PGM5: variants seen among roughly 807,000 people sequenced by gnomAD.
The protein encoded by PGM5 is phosphoglucomutase 5, also known as phosphoglucomutase-like protein 5.
Under a neutral mutation model 59.2 loss-of-function variants are expected in PGM5, and 23 were observed. The ratio of observed to expected loss-of-function variants is 0.39; its 90% CI spans 0.28 to 0.55. PGM5 has a LOEUF of 0.55. Among genes scored for constraint, PGM5 ranks in the 20% least tolerant of loss-of-function variants. The pLI is 0.66. For missense variants in PGM5, 574 were observed against 748.3 expected, an observed-to-expected ratio of 0.77 and a Z score of 2.72; for synonymous variants, 214 against 286.0, an observed-to-expected ratio of 0.75 and a Z score of 2.54.
At chr9:68,455,767 A>G (rs1052041383) in intron 6 of PGM5, among the ~76,000 whole-genome samples, 13 of 152,158 alleles carry the variant, frequency 8.5e-5, no homozygotes, top group African/African-American at 3.1e-4. Flanking sequence ...TTAATTCTTC[A>G]GTGTTGCAAA....
intron 3 of PGM5, among the ~76,000 whole-genome samples, chr9:68,386,115 T>C (rs1299311110): frequency 4.0e-5 from 6 of 151,782 alleles, no homozygotes; most frequent in South Asian, 2.1e-4. Flanking sequence ...CAAATGTATT[T>C]AGGCAAGTGG....
intron 1 of PGM5, among the ~76,000 whole-genome samples, chr9:68,376,231 G>C (rs1821878374): frequency 6.6e-6 from 1 of 152,116 alleles, no homozygotes; most frequent in Non-Finnish European, 1.5e-5. Flanking sequence ...CCTTTCAATG[G>C]ATTCTGGTTG....
chr9:68,433,678 G>A (rs1208007135), intron 6 of PGM5, among the ~76,000 whole-genome samples: 1 of 152,196 alleles, frequency 6.6e-6, no homozygotes, highest in Non-Finnish European at 1.5e-5. Context: ...CATTTGACCT[G>A]TTGGCCGATG....
intron 9 of PGM5, among the ~76,000 whole-genome samples, chr9:68,489,472 T>C (rs1420740361): frequency 6.7e-6 from 1 of 149,822 alleles, no homozygotes; most frequent in Non-Finnish European, 1.5e-5. Flanking sequence ...TTCTTTTCTT[T>C]TTTTTTTTTT....
chr9:68,416,374 C>T (rs1373161712), intron 6 of PGM5, among the ~76,000 whole-genome samples: 1 of 152,150 alleles, frequency 6.6e-6, no homozygotes, highest in African/African-American at 2.4e-5. Context: ...GGGCCCCTAG[C>T]GTGCTCATGC....
At chr9:68,409,896 GC>G (rs1554681475) in intron 6 of PGM5, among the ~76,000 whole-genome samples, 1 of 149,766 alleles carries the variant, frequency 6.7e-6, no homozygotes, top group Non-Finnish European at 1.5e-5. Flanking sequence ...AAAGAACAAA[GC>G]AAAAAAATGT....
intron 9 of PGM5, among the ~76,000 whole-genome samples, chr9:68,492,375 T>C (rs1274526107): frequency 1.3e-5 from 2 of 152,182 alleles, no homozygotes; most frequent in African/African-American, 2.4e-5. Context: ...AGCAGCCCTC[T>C]CATCACCTAG....
At position 68,517,328 on chromosome 9, in the gene PGM5, C is replaced by T. The variant is rs555989721; in HGVS notation, c.1615-12239C>T. 3.2e-4 allele frequency among the ~76,000 whole-genome samples: 49 copies of T among 152,134 alleles called. No homozygotes were observed. The South Asian group carries it at 6.9e-3, about 21-fold the overall frequency. ...CTCTTACGCAAATCTGCCAGCCCTCCGCAGTAGTCTTCAAGGCCCTCATAA... is the reference window on the plus strand; with the variant it reads ...CTCTTACGCAAATCTGCCAGCCCTCTGCAGTAGTCTTCAAGGCCCTCATAA... On this transcript the variant is annotated intron_variant, in intron 10 of 10. Coordinates refer to ENST00000396396, the MANE Select transcript of PGM5 (RefSeq NM_021965.4).
chr9:68,484,169 G>A (rs1554687378), intron 9 of PGM5, 121 bp downstream of exon 9: 7 of 823,800 alleles, frequency 8.5e-6, no homozygotes, highest in Non-Finnish European at 1.2e-5. Flanking sequence ...TGAGAACTGT[G>A]CAGCCAGGAA....
intron 10 of PGM5, among the ~76,000 whole-genome samples, chr9:68,527,302 AAAT>A (rs1824997690): frequency 6.6e-6 from 1 of 152,164 alleles, no homozygotes; most frequent in Admixed American, 6.5e-5. Context: ...CATTTTCTTA[AAAT>A]AATAGGATAG....
intron 10 of PGM5, among the ~76,000 whole-genome samples, chr9:68,518,745 G>A (rs1357043575): frequency 4.6e-5 from 7 of 152,178 alleles, no homozygotes; most frequent in Middle Eastern, 3.2e-3. Context: ...GCTGCCTTTG[G>A]AAGATGAAAG....
At chr9:68,488,682 T>A in intron 9 of PGM5, among the ~76,000 whole-genome samples, 1 of 152,192 alleles carries the variant, frequency 6.6e-6, no homozygotes, top group East Asian at 1.9e-4. Flanking sequence ...AATTGATGTG[T>A]GCTTTCCACT....
At chr9:68,468,748 C>G (rs1823976214) in intron 7 of PGM5, among the ~76,000 whole-genome samples, 2 of 152,126 alleles carry the variant, frequency 1.3e-5, no homozygotes, top group African/African-American at 4.8e-5. Context: ...CTCTTTTAAT[C>G]TACGTTTCTC....
intron 2 of PGM5, among the ~76,000 whole-genome samples, chr9:68,379,971 A>C (rs1822025384): frequency 1.3e-5 from 2 of 152,034 alleles, no homozygotes; most frequent in African/African-American, 2.4e-5. Flanking sequence ...ATTAGTGGAC[A>C]TGAAGGAAGA....
In PGM5 at chr9:68,448,368, G is replaced by A. The variant is rs78576052; in HGVS notation, c.1044-16725G>A. Among the ~76,000 whole-genome samples, 981 of 152,286 alleles carry A rather than the reference G, an allele frequency of 6.4e-3. 9 individuals carry two copies. Among genetic ancestry groups the A allele is most frequent in the Non-Finnish European group, 0.011 (781 of 68,014 alleles). Reference sequence around the variant, plus strand: ...TTTGGGGAGACACTTAGGGAAGGCTGCGTGTAGCCTCTCTTGAGACCCCTG... The same window carrying A: ...TTTGGGGAGACACTTAGGGAAGGCTACGTGTAGCCTCTCTTGAGACCCCTG... On this transcript the variant is annotated intron_variant, in intron 6 of 10. Coordinates refer to ENST00000396396, the MANE Select transcript of PGM5 (RefSeq NM_021965.4).
chr9:68,421,854 G>A (rs1823135905), intron 6 of PGM5, among the ~76,000 whole-genome samples: 1 of 151,156 alleles, frequency 6.6e-6, no homozygotes, highest in South Asian at 2.1e-4. Flanking sequence ...TTGTAGAGAA[G>A]AAAGATAATG....
At chr9:68,417,242 A>G (rs1248180552) in intron 6 of PGM5, among the ~76,000 whole-genome samples, 1 of 152,220 alleles carries the variant, frequency 6.6e-6, no homozygotes, top group Non-Finnish European at 1.5e-5. Context: ...CCTTGTCAAA[A>G]TACAGTGAGA....
At chr9:68,472,966 A>T (rs1443956987) in intron 7 of PGM5, among the ~76,000 whole-genome samples, 3 of 152,316 alleles carry the variant, frequency 2.0e-5, no homozygotes, top group East Asian at 3.9e-4. Flanking sequence ...GATGAACATT[A>T]GGTACATTTA....
intron 2 of PGM5, among the ~76,000 whole-genome samples, chr9:68,382,500 A>T (rs1218198454): frequency 6.6e-6 from 1 of 151,784 alleles, no homozygotes; most frequent in Non-Finnish European, 1.5e-5. Context: ...AAAAGCAAAA[A>T]CAAATAAATG....
Sources: gnomAD v4.1 joint callset for allele counts (sites outside exome capture counted in the v4.1 genomes callset) on GRCh38, gnomAD v4.1.1 for gene constraint, MANE v1.5 for transcripts, NCBI Gene and HGNC (gene_info 2026-07-23, HGNC 2026-07-21) for gene names.